Variants in SYMPK observed in about 807,000 individuals in gnomAD.
The protein encoded by SYMPK is symplekin.
In SYMPK, 49 loss-of-function variants were observed where a neutral mutation model predicts 136.4. That is an observed-to-expected ratio of 0.36 (90% CI 0.29 to 0.46). The LOEUF (loss-of-function observed/expected upper bound fraction) is 0.46. SYMPK is among the 20% of genes least tolerant of loss of function. SYMPK has a pLI of 1.00. For missense variants in SYMPK, 1,365 were observed against 1,690.0 expected, an observed-to-expected ratio of 0.81 and a Z score of 3.37; for synonymous variants, 766 against 713.0, an observed-to-expected ratio of 1.07 and a Z score of -1.19.
intron 1 of SYMPK, among the ~76,000 whole-genome samples, chr19:45,861,499 G>C (rs188422025): frequency 1.3e-5 from 2 of 152,180 alleles, no homozygotes; most frequent in African/African-American, 2.4e-5. Context: ...CCAGCACTTC[G>C]GGAGGCGGAG....
At chr19:45,822,626 T>G in intron 21 of SYMPK, 130 bp downstream of exon 21, 2 of 707,384 alleles carry the variant, frequency 2.8e-6, no homozygotes, top group Non-Finnish European at 4.9e-6. Flanking sequence ...CATGGAGATG[T>G]CCAGTACAGC....
Position 45,842,264 on chromosome 19 carries a change from T to C in SYMPK, c.1073A>G (p.Lys358Arg). 6.2e-7 allele frequency: 1 copy of C among 1,614,214 alleles called. No homozygotes were observed. Among genetic ancestry groups the C allele is most frequent in the Non-Finnish European group, 8.5e-7 (1 of 1,180,040 alleles). The change falls in exon 9 of 27, where the codon AAG becomes AGG. Residue 358 changes from lysine (K) to arginine (R), a missense_variant. This residue lies in a region of SYMPK where 111 missense variants were observed against 141.2 expected (regional missense o/e 0.79). Coordinates refer to ENST00000245934, the MANE Select transcript of SYMPK (RefSeq NM_004819.3). Reference sequence around the variant, plus strand: ...GCCCCTCTCACCCAGCTTCATCTTCTTGAGTGTGGAGTCCGAGTCATCGCG... The same window carrying C: ...GCCCCTCTCACCCAGCTTCATCTTCCTGAGTGTGGAGTCCGAGTCATCGCG... ...RPRDDSDSTL[K>R]KMKLEPNLGE...
At chr19:45,837,613 C>A (rs1971332272) in intron 10 of SYMPK, among the ~76,000 whole-genome samples, 1 of 108,930 alleles carries the variant, frequency 9.2e-6, no homozygotes, top group Non-Finnish European at 1.9e-5. Flanking sequence ...CGAGACTCTG[C>A]CTCAAAAAAA....
chr19:45,832,235 G>A lies in SYMPK; in HGVS notation c.1394-647C>T, dbSNP rs535459126. Among the ~76,000 whole-genome samples, 395 of 152,214 alleles carry A rather than the reference G, an allele frequency of 2.6e-3. 1 individual carries two copies. The highest frequency in any genetic ancestry group is 8.8e-3 in the African/African-American group (367 of 41,520). ...TGACTCGCTGCAGCCTCCACCTCCT[G>A]GGTCCAAGCCATTTTCCCACCTCAG... On this transcript the variant is annotated intron_variant, in intron 11 of 26. Transcript: ENST00000245934.
At chr19:45,834,777 T>C (rs951691077) in intron 11 of SYMPK, among the ~76,000 whole-genome samples, 5 of 152,224 alleles carry the variant, frequency 3.3e-5, no homozygotes, top group African/African-American at 9.7e-5. Context: ...CACACATTAA[T>C]AGTACTGTTA....
intron 7 of SYMPK, among the ~76,000 whole-genome samples, chr19:45,846,396 C>T (rs1971561375): frequency 1.3e-5 from 2 of 152,168 alleles, no homozygotes; most frequent in Admixed American, 6.5e-5. Flanking sequence ...TCAAACAATA[C>T]ATAAGAATAG....
intron 22 of SYMPK, chr19:45,819,733 C>CT (rs773571047): frequency 4.6e-5 from 7 of 152,564 alleles, no homozygotes; most frequent in Non-Finnish European, 1.0e-4. Flanking sequence ...GCTGACTTTT[C>CT]TTAATGCTGG....
chr19:45,857,749 C>T (rs1398664297), intron 1 of SYMPK, among the ~76,000 whole-genome samples: 1 of 151,774 alleles, frequency 6.6e-6, no homozygotes, highest in Non-Finnish European at 1.5e-5. Context: ...CCTTGGCCTC[C>T]CAAAGTGCTG....
chr19:45,822,931 C>T (rs1483780329), intron 20 of SYMPK, 85 bp from the exon 21 acceptor site: 3 of 1,111,284 alleles, frequency 2.7e-6, no homozygotes, highest in Non-Finnish European at 2.7e-6. Flanking sequence ...TCTGCTCGCC[C>T]TGGGGAGCTG....
intron 9 of SYMPK, 89 bp from the exon 10 acceptor site, chr19:45,838,704 T>C: frequency 7.0e-7 from 1 of 1,419,174 alleles, no homozygotes; most frequent in Non-Finnish European, 9.5e-7. Context: ...TCCCTGCCTC[T>C]AGTCAGCCTC....
chr19:45,862,655 G>A (rs1971997961), intron 1 of SYMPK: 1 of 166,906 alleles, frequency 6.0e-6, no homozygotes. Flanking sequence ...AAGTGACGTT[G>A]GTGCCGAGAC....
intron 7 of SYMPK, among the ~76,000 whole-genome samples, chr19:45,844,821 C>T (rs1971522665): frequency 6.6e-6 from 1 of 152,182 alleles, no homozygotes; most frequent in Admixed American, 6.5e-5. Context: ...ATGCTTAAAA[C>T]TTTGGTGGAT....
chr19:45,829,012 C>A lies in SYMPK; in HGVS notation c.1943G>T (p.Arg648Leu). 1 of 1,614,160 alleles carries A rather than the reference C, an allele frequency of 6.2e-7. No individual in the cohort carries two copies. The highest frequency in any genetic ancestry group is 1.1e-5 in the South Asian group (1 of 91,080). Residue 648 changes from arginine (R) to leucine (L), a missense_variant, in exon 14 of 27, where the codon CGC becomes CTC. Physicochemically the swap from Arg to Leu is moderately radical, Grantham distance 102 (BLOSUM62 -2). This residue lies in a region of SYMPK where 303 missense variants were observed against 326.6 expected (regional missense o/e 0.93). Transcript: ENST00000245934. ...SLDKYEDCLI[R>L]LLSGLQEKPD... ...TTTCTCCTGCAGGCCAGACAACAGG[C>A]GGATGAGGCAGTCCTCATACTTGTC...
Position 45,859,559 on chromosome 19 carries a change from C to T in SYMPK, c.-13+3499G>A, listed in dbSNP as rs372235048. 2.9e-4 allele frequency among the ~76,000 whole-genome samples: 44 copies of T among 152,196 alleles called. No individual in the cohort carries two copies. The East Asian group carries it at 7.6e-3, about 26-fold the overall frequency. The stretch of plus-strand genomic sequence containing the variant: ...ACGTTGCAGCGAGCCGAGATTGCGC[C>T]ACTGCACTCCAGCCTGGATGACAGA... On this transcript the variant is annotated intron_variant, in intron 1 of 26. Transcript: ENST00000245934.
intron 10 of SYMPK, among the ~76,000 whole-genome samples, chr19:45,836,014 C>A (rs1211987369): frequency 6.6e-6 from 1 of 151,968 alleles, no homozygotes; most frequent in Non-Finnish European, 1.5e-5. Flanking sequence ...ACAAGAAACC[C>A]CCCAGAATCC....
chr19:45,862,297 C>T (rs1183605348), intron 1 of SYMPK, among the ~76,000 whole-genome samples: 1 of 152,120 alleles, frequency 6.6e-6, no homozygotes, highest in East Asian at 1.9e-4. Context: ...TTTCCCCTTC[C>T]CTCTCGATGT....
chr19:45,818,128 G>A lies in SYMPK; in HGVS notation c.2912C>T (p.Ala971Val), dbSNP rs1432150235. ...CTCTGACGTGTACACGTTCCGCTCC[G>A]CAAAGCACAGGTTGGTGGCTGCGAG... ...SIIKATNLCFAERNVYTSEVL... is the reference protein window; with the variant it reads ...SIIKATNLCFVERNVYTSEVL... Residue 971 changes from alanine to valine, a missense_variant, in exon 23 of 27, where the codon GCG becomes GTG. Transcript: ENST00000245934. 1.0e-5 allele frequency: 16 copies of A among 1,550,124 alleles called. No individual in the cohort carries two copies. The highest frequency in any genetic ancestry group is 2.7e-5 in the African/African-American group (2 of 73,116).
In SYMPK at chr19:45,821,171, C is replaced by T. The variant is rs113948807; in HGVS notation, c.2893+213G>A. 6,618 of 529,906 alleles carry T rather than the reference C, an allele frequency of 0.012. 61 individuals are homozygous for T. Among genetic ancestry groups the T allele is most frequent in the Middle Eastern group, 0.017 (61 of 3,494 alleles). 32.8% of individuals were successfully genotyped at this position (529,906 alleles called of 1,614,324 possible). On this transcript the variant is annotated intron_variant, in intron 22 of 26. Transcript: ENST00000245934. This position sits in a 1 kb window ranked among gnomAD's most constrained non-coding sequence, Gnocchi z 4.4. ...AAAAGGTGGGTTGTAAAGGGTAAAACCTGGGAGGAAGGAAGGAGGAGGGAG... is the reference window on the plus strand; with the variant it reads ...AAAAGGTGGGTTGTAAAGGGTAAAATCTGGGAGGAAGGAAGGAGGAGGGAG...
rs533587602 is a variant in SYMPK, at chr19:45,845,006, A to G, written c.677-806T>C. The stretch of plus-strand genomic sequence containing the variant: ...CAGGGTAAATGGGGTCTCCATCACA[A>G]GCATTTATCCGTTTTGTTACACACA... On this transcript the variant is annotated intron_variant, in intron 7 of 26. Transcript: ENST00000245934. Among the ~76,000 whole-genome samples, 18 of 152,328 alleles carry G rather than the reference A, an allele frequency of 1.2e-4. No individual in the cohort carries two copies. In the South Asian group the frequency reaches 3.7e-3, roughly 32 times the overall value.
Sources: allele counts gnomAD v4.1 joint callset (sites outside exome capture counted in the v4.1 genomes callset), GRCh38; gene constraint gnomAD v4.1.1; regional missense constraint gnomAD v4.1.1; non-coding constraint Gnocchi (gnomAD v3.1); transcripts MANE v1.5; gene names NCBI Gene and HGNC (gene_info 2026-07-23, HGNC 2026-07-21).